PAPOLA: variants seen among roughly 807,000 people sequenced by gnomAD.
PAPOLA encodes the protein poly(A) polymerase alpha, also known as polynucleotide adenylyltransferase alpha.
PAPOLA carries 15 observed loss-of-function variants against 100.6 expected under a neutral mutation model. That is an observed-to-expected ratio of 0.15 (90% CI 0.10 to 0.23). The LOEUF is 0.23. Among genes scored for constraint, PAPOLA ranks in the 10% least tolerant of loss-of-function variants. The pLI, the probability that PAPOLA is intolerant of heterozygous loss-of-function variation, is 1.00. For missense variants in PAPOLA, 533 were observed against 884.2 expected, an observed-to-expected ratio of 0.60 and a Z score of 5.04; for synonymous variants, 293 against 300.0, an observed-to-expected ratio of 0.98 and a Z score of 0.24.
At chr14:96,549,235 A>G (rs1052500227) in intron 16 of PAPOLA, among the ~76,000 whole-genome samples, 11 of 151,626 alleles carry the variant, frequency 7.3e-5, no homozygotes, top group African/African-American at 2.7e-4. Flanking sequence ...AGGTTTAAAC[A>G]TGATGTTATT....
intron 16 of PAPOLA, among the ~76,000 whole-genome samples, chr14:96,548,405 T>C (rs1900563500): frequency 6.6e-6 from 1 of 152,280 alleles, no homozygotes; most frequent in Admixed American, 6.5e-5. Flanking sequence ...GTCACTGAGT[T>C]AATATTTTGC....
Position 96,561,482 on chromosome 14 carries a change from A to C in PAPOLA, c.2067+771A>C, listed in dbSNP as rs111908929. Among the ~76,000 whole-genome samples the C allele has an allele frequency of 1.5e-3, 221 of 152,320 alleles. 1 individual carries two copies. Among genetic ancestry groups the C allele is most frequent in the African/African-American group, 4.5e-3 (188 of 41,564 alleles). On this transcript the variant is annotated intron_variant, in intron 20 of 21. Coordinates refer to ENST00000216277, the MANE Select transcript of PAPOLA (RefSeq NM_032632.5). ...CCAAGAAAAAAGTATGTGTATCATT[A>C]TGTAATCTACAAAATTATTAATGGC... is the stretch of plus-strand genomic sequence containing the variant.
rs112243002 is a variant in PAPOLA, at chr14:96,516,833, C to T, written c.9-3222C>T. 8.9e-3 allele frequency among the ~76,000 whole-genome samples: 1,350 copies of T among 152,178 alleles called. 29 individuals carry two copies. Among genetic ancestry groups the T allele is most frequent in the African/African-American group, 0.031 (1,288 of 41,488 alleles). On this transcript the variant is annotated intron_variant, in intron 1 of 21. Coordinates refer to ENST00000216277, the MANE Select transcript of PAPOLA (RefSeq NM_032632.5). The stretch of plus-strand genomic sequence containing the variant: ...AATTAGGCTGAACAAGTCTTGTGCG[C>T]GTTTAGAAATCAGGGCCTGTATTCT...
intron 16 of PAPOLA, among the ~76,000 whole-genome samples, chr14:96,548,647 C>T (rs1356316945): frequency 6.6e-6 from 1 of 151,988 alleles, no homozygotes; most frequent in Non-Finnish European, 1.5e-5. Flanking sequence ...ATAAAAAAGG[C>T]ACATGTATGT....
intron 1 of PAPOLA, among the ~76,000 whole-genome samples, chr14:96,506,989 T>C (rs148160748): frequency 2.3e-3 from 355 of 152,348 alleles, no homozygotes; most frequent in Non-Finnish European, 4.1e-3. Flanking sequence ...TTTCCAGTTA[T>C]AATGTTGCTC....
intron 12 of PAPOLA, among the ~76,000 whole-genome samples, chr14:96,539,802 C>T (rs950151313): frequency 3.3e-5 from 5 of 151,850 alleles, no homozygotes; most frequent in African/African-American, 1.2e-4. Flanking sequence ...GAGTACCAAT[C>T]CTGGTTTTAA....
intron 16 of PAPOLA, among the ~76,000 whole-genome samples, chr14:96,551,527 T>C (rs1473081948): frequency 1.3e-5 from 2 of 152,334 alleles, no homozygotes; most frequent in African/African-American, 2.4e-5. Context: ...AAGATAAGAA[T>C]ATTTTGTTAT....
rs1444305540 is a variant in PAPOLA, at chr14:96,566,828, G to A, written c.*1778G>A. The A allele has an allele frequency of 6.6e-6, 1 of 152,488 alleles. No homozygotes were observed. Among genetic ancestry groups the A allele is most frequent in the East Asian group, 1.9e-4 (1 of 5,194 alleles). The allele number at this position is 152,488 out of a possible 1,614,324, so 9.4% of individuals were successfully genotyped here. ...GGCACAGATTTAGTCTTGTCATTTT[G>A]TTTACACATTGGGGAAAACAATTCA... On this transcript the variant is annotated 3_prime_UTR_variant, in exon 22 of 22. Transcript: ENST00000216277.
intron 19 of PAPOLA, among the ~76,000 whole-genome samples, chr14:96,558,996 C>T (rs1901585890): frequency 6.6e-6 from 1 of 151,490 alleles, no homozygotes; most frequent in Admixed American, 6.6e-5. Flanking sequence ...TCCTCCATCC[C>T]TCCCCCACTT....
At position 96,533,989 on chromosome 14, in the gene PAPOLA, CAT is replaced by C. The variant is rs1471532270; in HGVS notation, c.837-499_837-498del. 133 of 986,184 alleles carry C rather than the reference CAT, an allele frequency of 1.3e-4. 1 individual carries two copies. Among genetic ancestry groups the C allele is most frequent in the Non-Finnish European group, 1.5e-4 (121 of 830,396 alleles). 61.1% of individuals were successfully genotyped at this position (986,184 alleles called of 1,614,324 possible). A position where few individuals can be genotyped will look rare whatever the true frequency, so the allele number is the denominator to read the frequency against. On this transcript the variant is annotated intron_variant, in intron 9 of 21. Coordinates refer to ENST00000216277, the MANE Select transcript of PAPOLA (RefSeq NM_032632.5). ...ACCAAAGTAGCTAGTTTATGGAACA[CAT>C]ATGAAAATGTGGTTATGCCACCAAG...
chr14:96,559,574 T>C (rs1157826371), intron 19 of PAPOLA, among the ~76,000 whole-genome samples: 1 of 118,722 alleles, frequency 8.4e-6, no homozygotes, highest in East Asian at 2.1e-4. Context: ...TCTCTCTCTC[T>C]CTCTCTCTAT....
rs71103533 is a variant in PAPOLA at position 96,507,280 on chromosome 14, G to GTTTTT, written c.8+4701_8+4705dup. Among the ~76,000 whole-genome samples the GTTTTT allele has an allele frequency of 2.2e-3, 177 of 80,696 alleles. 1 individual carries two copies. The highest frequency in any genetic ancestry group is 2.4e-3 in the Non-Finnish European group (113 of 46,832). The allele number at this position is 80,696 out of a possible 152,430, so 52.9% of individuals were successfully genotyped here. ...ACTAAATTTTTTGTTTTGGAAAATAGTTTTTTTTTTTTTTTTTTTTTTTTT... is the reference window on the plus strand; with the variant it reads ...ACTAAATTTTTTGTTTTGGAAAATAGTTTTTTTTTTTTTTTTTTTTTTTTTTTTTT... On this transcript the variant is annotated intron_variant, in intron 1 of 21. Transcript: ENST00000216277.
intron 17 of PAPOLA, among the ~76,000 whole-genome samples, chr14:96,554,568 A>G (rs1223288271): frequency 6.6e-6 from 1 of 152,188 alleles, no homozygotes; most frequent in East Asian, 1.9e-4. Flanking sequence ...ATCATTCACC[A>G]GTTTCAGAGT....
chr14:96,534,926 A>C, intron 10 of PAPOLA: 3 of 1,003,318 alleles, frequency 3.0e-6, no homozygotes, highest in Non-Finnish European at 3.6e-6. Context: ...GTATTATGCT[A>C]AAGTTGGGTT....
At chr14:96,503,909 A>C (rs1047213630) in intron 1 of PAPOLA, among the ~76,000 whole-genome samples, 1 of 152,204 alleles carries the variant, frequency 6.6e-6, no homozygotes, top group African/African-American at 2.4e-5. Context: ...AGGATTTTCC[A>C]TGGCTCCCAC....
At chr14:96,503,822 A>C (rs1896516392) in intron 1 of PAPOLA, among the ~76,000 whole-genome samples, 1 of 152,100 alleles carries the variant, frequency 6.6e-6, no homozygotes, top group African/African-American at 2.4e-5. Context: ...TATGTGTGTG[A>C]ATGTGTTTCT....
At chr14:96,518,913 C>T (rs993743941) in intron 1 of PAPOLA, among the ~76,000 whole-genome samples, 6 of 151,528 alleles carry the variant, frequency 4.0e-5, no homozygotes, top group African/African-American at 7.3e-5. Flanking sequence ...AAAAATTAGC[C>T]GGGTGTGGTG....
At chr14:96,542,506 C>T (rs1900074967) in intron 13 of PAPOLA, 1 of 543,014 alleles carries the variant, frequency 1.8e-6, no homozygotes, top group Non-Finnish European at 3.2e-6. Context: ...GAGATCCGTG[C>T]ATAATTTCTT....
At chr14:96,559,581 C>CTCTCTCTCTATATATATATA (rs370979875) in intron 19 of PAPOLA, among the ~76,000 whole-genome samples, 1 of 120,174 alleles carries the variant, frequency 8.3e-6, no homozygotes, top group African/African-American at 3.4e-5. Flanking sequence ...CTCTCTCTCT[C>CTCTCTCTCTATATATATATA]TATATATATA....
Sources: gnomAD v4.1 joint callset for allele counts (sites outside exome capture counted in the v4.1 genomes callset) on GRCh38, gnomAD v4.1.1 for gene constraint, MANE v1.5 for transcripts, NCBI Gene and HGNC (gene_info 2026-07-23, HGNC 2026-07-21) for gene names.